The following PCDHA10 variants were observed in gnomAD, a reference collection of about 807,000 sequenced individuals.
PCDHA10 encodes protocadherin alpha-10.
PCDHA10 carries 45 observed loss-of-function variants against 61.2 expected under a neutral mutation model. That is an observed-to-expected ratio of 0.74 (90% CI 0.58 to 0.94). PCDHA10 has a LOEUF of 0.94. PCDHA10 is among the 40% of genes least tolerant of loss of function. PCDHA10 has a pLI of 0.00. For missense variants in PCDHA10, 1,278 were observed against 1,236.2 expected (o/e 1.03, Z -0.51); for synonymous variants, 602 against 548.8 (o/e 1.10, Z -1.35).
At chr5:140,998,906 AG>A (rs1267220398) in intron 3 of PCDHA10, among the ~76,000 whole-genome samples, 10 of 152,208 alleles carry the variant, frequency 6.6e-5, no homozygotes, top group Non-Finnish European at 1.5e-5. Context: ...TGCCTCCGGG[AG>A]GTAGCTATTA....
chr5:141,000,389 C>A (rs868958582), intron 3 of PCDHA10, among the ~76,000 whole-genome samples: 168 of 62,538 alleles, frequency 2.7e-3, no homozygotes, highest in Non-Finnish European at 3.7e-3. Flanking sequence ...CTCTCTCTCT[C>A]TCTCTCTATA....
At position 140,857,920 on chromosome 5, in the gene PCDHA10, G is replaced by A. The variant is rs2045011675; in HGVS notation, c.1872G>A (p.Gly624=). 1.3e-6 allele frequency: 2 copies of A among 1,597,818 alleles called. No individual in the cohort carries two copies. The highest frequency in any genetic ancestry group is 1.7e-6 in the Non-Finnish European group (2 of 1,167,500). Residue 624 remains glycine, a synonymous_variant, in exon 1 of 4, where the codon GGG becomes GGA. Coordinates refer to ENST00000307360, the MANE Select transcript of PCDHA10 (RefSeq NM_018901.4). ...AVGARIPFRV[G]LYTGEISTTR... ...GTGCACGCATCCCGTTTCGCGTGGG[G>A]CTGTACACGGGCGAGATCAGTACGA...
At chr5:140,920,842 A>G (rs1377558160) in intron 1 of PCDHA10, among the ~76,000 whole-genome samples, 1 of 127,576 alleles carries the variant, frequency 7.8e-6, no homozygotes, top group Non-Finnish European at 1.7e-5. Flanking sequence ...GACCAAATCT[A>G]AAAAAAAAAA....
chr5:140,867,814 A>G (rs1277915043), intron 1 of PCDHA10: 1 of 152,106 alleles, frequency 6.6e-6, no homozygotes, highest in East Asian at 1.9e-4. Flanking sequence ...ATGAAATTCC[A>G]TTTCCACAAG....
At chr5:140,985,386 T>A (rs2097149117) in intron 3 of PCDHA10, among the ~76,000 whole-genome samples, 1 of 152,170 alleles carries the variant, frequency 6.6e-6, no homozygotes, top group African/African-American at 2.4e-5. Context: ...TATAATCCAG[T>A]CACCCCAACT....
intron 1 of PCDHA10, among the ~76,000 whole-genome samples, chr5:140,907,806 A>G (rs1046843294): frequency 2.6e-5 from 4 of 152,192 alleles, no homozygotes; most frequent in Non-Finnish European, 5.9e-5. Flanking sequence ...AGTGGTGTCC[A>G]CAGAACGAGT....
chr5:140,927,582 G>A lies in PCDHA10; in HGVS notation c.2389-51367G>A, dbSNP rs1554204771. On this transcript the variant is annotated intron_variant, in intron 1 of 3. Transcript: ENST00000307360. ...TTGTGGTGGACACAAATGACAACGCGCCTGTATTTGAGCGCTCCGTATACC... is the reference window on the plus strand; with the variant it reads ...TTGTGGTGGACACAAATGACAACGCACCTGTATTTGAGCGCTCCGTATACC... 3.7e-6 allele frequency: 6 copies of A among 1,614,174 alleles called. No individual in the cohort carries two copies. In the East Asian group the frequency reaches 1.1e-4, roughly 30 times the overall value.
chr5:140,907,408 C>T (rs2073363118), intron 1 of PCDHA10, among the ~76,000 whole-genome samples: 1 of 152,118 alleles, frequency 6.6e-6, no homozygotes. Flanking sequence ...TGTGGAATAC[C>T]ACGATGGTGG....
chr5:140,968,739 T>C, intron 1 of PCDHA10: 1 of 1,614,192 alleles, frequency 6.2e-7, no homozygotes, highest in South Asian at 1.1e-5. Context: ...ACTTTCAACC[T>C]GACCGTGGTG....
chr5:140,891,970 C>G (rs1554185021), intron 1 of PCDHA10, among the ~76,000 whole-genome samples: 1 of 152,170 alleles, frequency 6.6e-6, no homozygotes, highest in East Asian at 1.9e-4. Flanking sequence ...AGTAAATTTC[C>G]GTTCTCATAA....
In PCDHA10 at chr5:140,855,994, G is replaced by T; in HGVS notation, c.-55G>T. 1.3e-6 allele frequency: 2 copies of T among 1,498,182 alleles called. No individual in the cohort carries two copies. Among genetic ancestry groups the T allele is most frequent in the South Asian group, 1.3e-5 (1 of 76,902 alleles). The allele number at this position is 1,498,182 out of a possible 1,614,324, so 92.8% of individuals were successfully genotyped here. A position where few individuals can be genotyped will look rare whatever the true frequency, so the allele number is the denominator to read the frequency against. On this transcript the variant is annotated 5_prime_UTR_variant, in exon 1 of 4. Transcript: ENST00000307360. ...GAAATAGGACAGAAAATGTCAGATC[G>T]TATGTGCGTTCTAGACCGCTGATTC...
intron 3 of PCDHA10, among the ~76,000 whole-genome samples, chr5:141,004,496 C>T (rs1179748811): frequency 6.6e-6 from 1 of 152,152 alleles, no homozygotes; most frequent in Non-Finnish European, 1.5e-5. Context: ...CTTGGCAGTC[C>T]TGCTGTGAGG....
chr5:140,894,852 T>C (rs1366360589), intron 1 of PCDHA10, among the ~76,000 whole-genome samples: 2 of 152,200 alleles, frequency 1.3e-5, no homozygotes, highest in African/African-American at 2.4e-5. Flanking sequence ...CATTTTTATA[T>C]GAAAAGTGCT....
chr5:140,861,631 C>T, intron 1 of PCDHA10: 1 of 315,060 alleles, frequency 3.2e-6, no homozygotes, highest in Non-Finnish European at 6.4e-6. Flanking sequence ...GTGTTCTCAG[C>T]AACACAAAAG....
At chr5:140,968,795 A>G in intron 1 of PCDHA10, 2 of 1,614,210 alleles carry the variant, frequency 1.2e-6, no homozygotes, top group Non-Finnish European at 1.7e-6. Context: ...TGTGGCCATT[A>G]CAGTAGCTGT....
intron 3 of PCDHA10, among the ~76,000 whole-genome samples, chr5:141,005,571 G>A (rs1053042213): frequency 4.0e-5 from 6 of 151,334 alleles, no homozygotes; most frequent in African/African-American, 4.9e-5. Context: ...GCATGGTGGC[G>A]CGTGCCTGTA....
chr5:140,949,457 T>C (rs1369576515), intron 1 of PCDHA10, among the ~76,000 whole-genome samples: 1 of 151,872 alleles, frequency 6.6e-6, no homozygotes, highest in Non-Finnish European at 1.5e-5. Flanking sequence ...TCATGTAATT[T>C]GAAGCCCTGT....
intron 1 of PCDHA10, among the ~76,000 whole-genome samples, chr5:140,942,587 CAT>C (rs2093330311): frequency 6.7e-6 from 1 of 148,732 alleles, no homozygotes; most frequent in East Asian, 2.0e-4. Flanking sequence ...TAGGATGTCA[CAT>C]ATAATTATAG....
chr5:140,884,609 G>C (rs1554181782), intron 1 of PCDHA10: 4 of 1,614,138 alleles, frequency 2.5e-6, no homozygotes, highest in African/African-American at 1.3e-5. Flanking sequence ...TCCTTGTCTG[G>C]GTTCTGCAGA....
Sources: gnomAD v4.1 joint callset for allele counts (sites outside exome capture counted in the v4.1 genomes callset) on GRCh38, gnomAD v4.1.1 for gene constraint, MANE v1.5 for transcripts, NCBI Gene and HGNC (gene_info 2026-07-23, HGNC 2026-07-21) for gene names.